SLC19A1: variants seen among roughly 807,000 people sequenced by gnomAD.
SLC19A1 encodes the protein solute carrier family 19 member 1, also known as reduced folate transporter.
A neutral mutation model predicts 35.3 loss-of-function variants in SLC19A1; 37 were observed. That is an observed-to-expected ratio of 1.05 (90% CI 0.81 to 1.38). SLC19A1 has a LOEUF of 1.38. SLC19A1 is among the 40% of genes most tolerant of loss of function. The pLI is 0.00. For missense variants in SLC19A1, 831 were observed against 826.9 expected, an observed-to-expected ratio of 1.00 and a Z score of -0.06; for synonymous variants, 460 against 398.5, an observed-to-expected ratio of 1.15 and a Z score of -1.84.
chr21:45,504,703 TG>T, intron 3 of SLC19A1: 1 of 719,182 alleles, frequency 1.4e-6, no homozygotes, highest in Non-Finnish European at 2.3e-6. Context: ...TGTCCCCGTG[TG>T]GGGACGCAGC....
In SLC19A1 at chr21:45,505,740, G is replaced by A. The variant is rs373022832; in HGVS notation, c.498-7128C>T. On this transcript the variant is annotated intron_variant, in intron 3 of 4. Transcript: ENST00000417954. ...AGTCCACACCTGTCCAAAGCCCTGC[G>A]GCCCCTGCCCAGCACCCTGAAACGG... is the stretch of plus-strand genomic sequence containing the variant. The A allele has an allele frequency of 6.7e-4, 680 of 1,010,984 alleles. 6 individuals carry two copies. Among genetic ancestry groups the A allele is most frequent in the South Asian group, 6.2e-3 (451 of 72,608 alleles). 62.6% of individuals were successfully genotyped at this position (1,010,984 alleles called of 1,614,324 possible). A position where few individuals can be genotyped will look rare whatever the true frequency, so the allele number is the denominator to read the frequency against.
chr21:45,527,078 T>C (rs754918543), intron 4 of SLC19A1, among the ~76,000 whole-genome samples: 53 of 152,286 alleles, frequency 3.5e-4, no homozygotes, highest in South Asian at 6.2e-4. Flanking sequence ...GGTTAAATGT[T>C]TGATAAATTA....
At chr21:45,511,141 C>G, downstream of SLC19A1, 1 of 1,595,640 alleles carries the variant, frequency 6.3e-7, no homozygotes, top group Non-Finnish European at 8.5e-7. Context: ...CTGGGAGGCT[C>G]TGTTCTCAGG....
At chr21:45,509,095 G>A (rs1346081803), downstream of SLC19A1, among the ~76,000 whole-genome samples, 1 of 152,134 alleles carries the variant, frequency 6.6e-6, no homozygotes, top group African/African-American at 2.4e-5. Context: ...GGCACGTGGT[G>A]AGTGATTGCT....
chr21:45,527,258 G>A (rs886267362), intron 4 of SLC19A1, among the ~76,000 whole-genome samples: 2 of 148,012 alleles, frequency 1.4e-5, no homozygotes, highest in Non-Finnish European at 3.0e-5. Context: ...GCCTGGAGGC[G>A]GGGCAGGCCC....
At chr21:45,551,237 A>T (rs898411026) in intron 1 of SLC19A1, among the ~76,000 whole-genome samples, 1 of 151,992 alleles carries the variant, frequency 6.6e-6, no homozygotes. Context: ...GACAAGAGCG[A>T]GACTCCATCT....
intron 5 of SLC19A1, among the ~76,000 whole-genome samples, chr21:45,516,416 C>T (rs569058701): frequency 5.9e-5 from 9 of 152,328 alleles, no homozygotes; most frequent in East Asian, 1.9e-4. Flanking sequence ...GCGTGGCCTG[C>T]GGTGTCTGCT....
chr21:45,505,432 G>A, intron 3 of SLC19A1: 1 of 1,530,442 alleles, frequency 6.5e-7, no homozygotes, highest in South Asian at 1.2e-5. Flanking sequence ...CTCCTCAGGG[G>A]TAAGTGTCTG....
intron 1 of SLC19A1, among the ~76,000 whole-genome samples, chr21:45,559,952 C>G (rs1837875639): frequency 6.6e-6 from 1 of 151,526 alleles, no homozygotes; most frequent in African/African-American, 2.5e-5. Flanking sequence ...TCGGCCACAG[C>G]CCCAGAGACA....
rs1219065879 is a variant in SLC19A1, at chr21:45,562,741, C to T, written c.-50+1G>A. ...CCCAGACAGAAAGGAGCTGTACTTA[C>T]GGTAGATTCCAACAATCCGCAGAAG... On this transcript the variant is annotated splice_donor_variant, in intron 1 of 5. Coordinates refer to the SLC19A1 transcript ENST00000650808. LOFTEE classifies it low-confidence loss of function (5UTR_SPLICE). Among the ~76,000 whole-genome samples, 3 of 152,180 alleles carry T rather than the reference C, an allele frequency of 2.0e-5. No individual in the cohort carries two copies. The highest frequency in any genetic ancestry group is 2.1e-4 in the South Asian group (1 of 4,832).
downstream of SLC19A1, chr21:45,512,485 GC>G: frequency 1.5e-6 from 2 of 1,293,914 alleles, no homozygotes; most frequent in Non-Finnish European, 1.1e-6. Flanking sequence ...CCAGCCCCTG[GC>G]CCCAGGACCT....
rs1170448358 is a variant in SLC19A1 at position 45,537,754 on chromosome 21, C to T, written c.189+17G>A. 7.2e-7 allele frequency: 1 copy of T among 1,382,636 alleles called. No homozygotes were observed. Among genetic ancestry groups the T allele is most frequent in the Non-Finnish European group, 9.4e-7 (1 of 1,064,292 alleles). 85.6% of individuals were successfully genotyped at this position (1,382,636 alleles called of 1,614,324 possible). On this transcript the variant is annotated intron_variant, in intron 2 of 5. Coordinates refer to ENST00000311124, the MANE Select transcript of SLC19A1 (RefSeq NM_194255.4). ...CCCACCCACAGGCGGCCGCCCGGCA[C>T]CCCGGCACCCACATGCCTGCTCCCG...
chr21:45,523,373 A>C (rs2077495978), intron 5 of SLC19A1, among the ~76,000 whole-genome samples: 1 of 152,210 alleles, frequency 6.6e-6, no homozygotes, highest in African/African-American at 2.4e-5. Flanking sequence ...GACAAGAGGC[A>C]GCCAGGAACC....
intron 1 of SLC19A1, among the ~76,000 whole-genome samples, chr21:45,550,295 CTG>C (rs2078452736): frequency 6.6e-6 from 1 of 152,182 alleles, no homozygotes; most frequent in African/African-American, 2.4e-5. Context: ...TCACATGAGA[CTG>C]TGTCCCCAGG....
chr21:45,516,805 G>T (rs926985173), intron 5 of SLC19A1, among the ~76,000 whole-genome samples: 1 of 152,158 alleles, frequency 6.6e-6, no homozygotes, highest in East Asian at 1.9e-4. Flanking sequence ...CAGGACATCC[G>T]TGGGCAGAGC....
chr21:45,536,711 C>T (rs1416588052), intron 2 of SLC19A1, among the ~76,000 whole-genome samples: 3 of 152,080 alleles, frequency 2.0e-5, no homozygotes, highest in East Asian at 1.9e-4. Context: ...GTCCGGCTTC[C>T]GGCCAGGAGA....
At position 45,515,832 on chromosome 21, in the gene SLC19A1, A is replaced by T. The variant is rs1353653992; in HGVS notation, c.1602T>A (p.Ala534=). The T allele has an allele frequency of 6.2e-7, 1 of 1,606,316 alleles. No homozygotes were observed. Among genetic ancestry groups the T allele is most frequent in the Non-Finnish European group, 8.5e-7 (1 of 1,175,140 alleles). ...GGGTTGTCACTGGGCTCAGGAATTC[A>T]GCTGCCTGCGGGGCCGGGGCCTGGG... is the stretch of plus-strand genomic sequence containing the variant. ...YLAQAPAPQA[A]EFLSPVTTPS... is the part of the protein sequence containing the mutation. The change falls in exon 6 of 6, where the codon GCT becomes GCA. Residue 534 remains alanine (A), a synonymous_variant. Transcript: ENST00000311124.
At chr21:45,512,158 G>A (rs1371587111), downstream of SLC19A1, 2 of 1,597,614 alleles carry the variant, frequency 1.3e-6, no homozygotes, top group Non-Finnish European at 1.7e-6. Context: ...GCAGGTCTGG[G>A]TTTGACTGAC....
chr21:45,507,591 A>T, downstream of SLC19A1: 1 of 1,612,976 alleles, frequency 6.2e-7, no homozygotes, highest in African/African-American at 1.3e-5. Context: ...CCCACGAGGG[A>T]CGGTAAGGAG....
Sources: gnomAD v4.1 joint callset for allele counts (sites outside exome capture counted in the v4.1 genomes callset) on GRCh38, gnomAD v4.1.1 for gene constraint, MANE v1.5 for transcripts, NCBI Gene and HGNC (gene_info 2026-07-23, HGNC 2026-07-21) for gene names.